Variants in RBFOX1 observed in about 807,000 individuals in gnomAD.
RBFOX1 encodes RNA binding protein fox-1 homolog 1.
RBFOX1 carries 8 observed loss-of-function variants against 57.7 expected under a neutral mutation model. The ratio of observed to expected loss-of-function variants is 0.14; its 90% CI spans 0.08 to 0.25. The LOEUF (loss-of-function observed/expected upper bound fraction) is 0.25, where lower values mean the gene tolerates loss of function less well. RBFOX1 is among the 10% of genes least tolerant of loss of function. The pLI is 1.00. For missense variants in RBFOX1, 611 were observed against 548.5 expected, an observed-to-expected ratio of 1.11 and a Z score of -1.14; for synonymous variants, 326 against 222.4, an observed-to-expected ratio of 1.47 and a Z score of -4.15.
At chr16:7,075,933 T>G (rs1285492121) in intron 4 of RBFOX1, among the ~76,000 whole-genome samples, 3 of 152,064 alleles carry the variant, frequency 2.0e-5, no homozygotes, top group Non-Finnish European at 4.4e-5. Context: ...AACCATGGCT[T>G]TATTTGAATG....
intron 4 of RBFOX1, among the ~76,000 whole-genome samples, chr16:5,954,000 G>A (rs2059573361): frequency 6.6e-6 from 1 of 152,132 alleles, no homozygotes; most frequent in Admixed American, 6.6e-5. Flanking sequence ...GAGACACCTT[G>A]GCTTGTCACC....
intron 3 of RBFOX1, among the ~76,000 whole-genome samples, chr16:6,798,417 G>T (rs144988587): frequency 1.3e-5 from 2 of 152,316 alleles, no homozygotes; most frequent in Non-Finnish European, 2.9e-5. Flanking sequence ...AGGTGGTCCT[G>T]CTTAATAGAT....
At chr16:5,830,220 A>G (rs1597411142) in intron 3 of RBFOX1, among the ~76,000 whole-genome samples, 1 of 152,176 alleles carries the variant, frequency 6.6e-6, no homozygotes, top group African/African-American at 2.4e-5. Flanking sequence ...GCAGTTGGGC[A>G]GAATTAGGAA....
intron 4 of RBFOX1, among the ~76,000 whole-genome samples, chr16:7,167,188 G>T (rs982013097): frequency 6.6e-6 from 1 of 151,480 alleles, no homozygotes; most frequent in South Asian, 2.1e-4. Context: ...ATTTCTCCGT[G>T]TTGGCCAGGC....
intron 4 of RBFOX1, among the ~76,000 whole-genome samples, chr16:7,319,885 T>C (rs1051366455): frequency 1.3e-5 from 2 of 152,122 alleles, no homozygotes; most frequent in South Asian, 2.1e-4. Context: ...ACCAATACCA[T>C]GGACTTGTTA....
At chr16:7,003,235 T>C (rs1971949) in intron 3 of RBFOX1, among the ~76,000 whole-genome samples, 81,843 of 151,762 alleles carry the variant, frequency 0.54, 22,606 homozygotes, top group East Asian at 0.87. Context: ...CCGAGGTGGG[T>C]GGATCACAAG....
At chr16:7,207,107 A>G (rs77298294) in intron 4 of RBFOX1, among the ~76,000 whole-genome samples, 1,735 of 152,302 alleles carry the variant, frequency 0.011, 34 homozygotes, top group African/African-American at 0.039. Context: ...TGAGGCTTCA[A>G]ATCACCCCAT....
intron 1 of RBFOX1, among the ~76,000 whole-genome samples, chr16:5,255,768 C>T (rs539419577): frequency 7.9e-5 from 12 of 151,952 alleles, no homozygotes; most frequent in African/African-American, 2.4e-4. Flanking sequence ...CACAAAGACT[C>T]GTTAACCACC....
At chr16:5,779,804 C>G (rs550458583) in intron 3 of RBFOX1, among the ~76,000 whole-genome samples, 5 of 152,176 alleles carry the variant, frequency 3.3e-5, no homozygotes, top group Admixed American at 2.0e-4. Context: ...ACTGTCTTGT[C>G]TAAGTTCAAA....
intron 2 of RBFOX1, among the ~76,000 whole-genome samples, chr16:6,467,053 C>T (rs1370166624): frequency 6.6e-6 from 1 of 150,440 alleles, no homozygotes; most frequent in Admixed American, 6.6e-5. Flanking sequence ...TGTAATGTAA[C>T]ATATGGGATT....
rs138834752 is a variant in RBFOX1, at chr16:7,413,766, A to T, written c.28-104381A>T. 1.2e-4 allele frequency among the ~76,000 whole-genome samples: 19 copies of T among 152,232 alleles called. No homozygotes were observed. The East Asian group carries it at 3.7e-3, about 29-fold the overall frequency. Reference sequence around the variant, plus strand: ...TTTAAGAGCTCAGTTTAATGACAAGAGTATTTTCCTTGTAGCTTTGTAGAG... The same window carrying T: ...TTTAAGAGCTCAGTTTAATGACAAGTGTATTTTCCTTGTAGCTTTGTAGAG... On this transcript the variant is annotated intron_variant, in intron 4 of 15. Coordinates refer to ENST00000550418, the MANE Select transcript of RBFOX1 (RefSeq NM_018723.4).
chr16:5,847,652 C>G (rs150740623), intron 3 of RBFOX1, among the ~76,000 whole-genome samples: 1 of 152,186 alleles, frequency 6.6e-6, no homozygotes, highest in Non-Finnish European at 1.5e-5. Flanking sequence ...TTTAGTGAAG[C>G]TATATGGCCC....
At chr16:7,159,189 C>T (rs1490468777) in intron 4 of RBFOX1, among the ~76,000 whole-genome samples, 1 of 152,070 alleles carries the variant, frequency 6.6e-6, no homozygotes, top group African/African-American at 2.4e-5. Flanking sequence ...GTTGCATGTG[C>T]TAATAGTTGA....
chr16:7,535,249 C>T (rs940017532), intron 5 of RBFOX1, among the ~76,000 whole-genome samples: 5 of 152,162 alleles, frequency 3.3e-5, no homozygotes, highest in Non-Finnish European at 5.9e-5. Flanking sequence ...CCCATCATTT[C>T]CCTGGGCCAG....
At chr16:7,615,316 G>C (rs1231132479) in intron 10 of RBFOX1, among the ~76,000 whole-genome samples, 1 of 146,632 alleles carries the variant, frequency 6.8e-6, no homozygotes, top group Non-Finnish European at 1.5e-5. Flanking sequence ...CTGGGCAATA[G>C]AGCAAGACTC....
At chr16:6,892,849 T>C (rs948182889) in intron 3 of RBFOX1, among the ~76,000 whole-genome samples, 3 of 146,762 alleles carry the variant, frequency 2.0e-5, no homozygotes, top group Admixed American at 1.4e-4. Flanking sequence ...GGGTGTTCTG[T>C]GCCCCCCTCC....
intron 9 of RBFOX1, among the ~76,000 whole-genome samples, chr16:7,601,766 T>C (rs578249387): frequency 6.6e-6 from 1 of 152,070 alleles, no homozygotes; most frequent in Admixed American, 6.5e-5. Context: ...CTCTAATAAG[T>C]CTGTCTGTGA....
intron 1 of RBFOX1, among the ~76,000 whole-genome samples, chr16:6,103,587 G>A (rs575223190): frequency 6.6e-6 from 1 of 152,140 alleles, no homozygotes; most frequent in African/African-American, 2.4e-5. Context: ...AGCAGATTCA[G>A]GCTCCTTCCA....
At chr16:5,625,562 A>G (rs891806263) in intron 3 of RBFOX1, among the ~76,000 whole-genome samples, 13 of 149,220 alleles carry the variant, frequency 8.7e-5, no homozygotes, top group African/African-American at 3.0e-4. Context: ...TTATTTATTT[A>G]TTTATTTATT....
Sources: gnomAD v4.1 joint callset for allele counts (sites outside exome capture counted in the v4.1 genomes callset) on GRCh38, gnomAD v4.1.1 for gene constraint, MANE v1.5 for transcripts, NCBI Gene and HGNC (gene_info 2026-07-23, HGNC 2026-07-21) for gene names.